Variants in CMC4 observed in about 807,000 individuals in gnomAD.
The protein encoded by CMC4 is cx9C motif-containing protein 4.
Under a neutral mutation model 5.1 loss-of-function variants are expected in CMC4, and 4 were observed. That is an observed-to-expected ratio of 0.78 (90% confidence interval 0.38 to 1.78). The LOEUF (loss-of-function observed/expected upper bound fraction) is 1.78, where lower values mean the gene tolerates loss of function less well. Ranked by LOEUF, CMC4 falls within the 40% of genes most tolerant of loss-of-function variation. The pLI is 0.04. For synonymous variants in CMC4, 23 were observed against 18.9 expected, an observed-to-expected ratio of 1.22 and a Z score of -0.57; for missense variants, 52 against 51.3, an observed-to-expected ratio of 1.01 and a Z score of -0.04.
Position 155,061,763 on chromosome X carries a change from T to C in CMC4, c.*80A>G. The C allele has an allele frequency of 9.1e-7, 1 of 1,095,010 alleles. No homozygotes were observed. The highest frequency in any genetic ancestry group is 1.2e-6 in the Non-Finnish European group (1 of 816,544). The allele number at this position is 1,095,010 out of a possible 1,213,427, so 90.2% of individuals were successfully genotyped here. A position where few individuals can be genotyped will look rare whatever the true frequency, so the allele number is the denominator to read the frequency against. On this transcript the variant is annotated 3_prime_UTR_variant, in exon 3 of 3. Coordinates refer to ENST00000369484, the MANE Select transcript of CMC4 (RefSeq NM_001018024.3). Reference sequence around the variant, plus strand: ...GTAGCTGACTTTTTCATTTGCTATTTGCTGCTACCTGGCCTGAAGAGTCAG... The same window carrying C: ...GTAGCTGACTTTTTCATTTGCTATTCGCTGCTACCTGGCCTGAAGAGTCAG...
chrX:155,063,885 A>T, intron 2 of CMC4, 81 bp downstream of exon 2: 1 of 731,080 alleles, frequency 1.4e-6, no homozygotes. Flanking sequence ...AAAAAGAGTT[A>T]ATACAGATAA....
intron 1 of CMC4, chrX:155,064,598 A>T (rs1557291882): frequency 8.9e-6 from 1 of 112,230 alleles, no homozygotes; most frequent in Admixed American, 9.4e-5. Context: ...AATTCTTTAC[A>T]AGTAGTAAAT....
Position 155,067,332 on chromosome X carries a change from G to A in CMC4, c.-10-3299C>T, listed in dbSNP as rs181260616. The stretch of plus-strand genomic sequence containing the variant: ...AACCAAATCCTGATTTCTCTCAATG[G>A]CAACACCACCATTCCTGATCCTGCA... On this transcript the variant is annotated intron_variant, in intron 1 of 2. Coordinates refer to ENST00000369484, the MANE Select transcript of CMC4 (RefSeq NM_001018024.3). Among the ~76,000 whole-genome samples, 27 of 111,658 alleles carry A rather than the reference G, an allele frequency of 2.4e-4. No individual in the cohort carries two copies. The Admixed American group carries it at 2.5e-3, about 10-fold the overall frequency.
chrX:155,067,225 ACT>A (rs1953344406), intron 1 of CMC4, among the ~76,000 whole-genome samples: 1 of 111,452 alleles, frequency 9.0e-6, no homozygotes, highest in African/African-American at 3.3e-5. Flanking sequence ...AGTGCATCTG[ACT>A]CTGAGCCTGG....
intron 1 of CMC4, chrX:155,065,415 A>T: frequency 9.8e-7 from 1 of 1,016,204 alleles, no homozygotes; most frequent in Non-Finnish European, 1.4e-6. Flanking sequence ...AAAAAAAATC[A>T]TTAAAATCAC....
At chrX:155,065,499 A>C in intron 1 of CMC4, 1 of 1,210,846 alleles carries the variant, frequency 8.3e-7, no homozygotes, top group Non-Finnish European at 1.1e-6. Context: ...GTTAGTCATC[A>C]GGCAAAAGCT....
chrX:155,062,128 G>A, intron 2 of CMC4, 137 bp from the exon 3 acceptor site: 1 of 581,356 alleles, frequency 1.7e-6, no homozygotes, highest in East Asian at 3.9e-5. Context: ...AAAGTCCACT[G>A]AATTCTTTCT....
At chrX:155,062,421 C>A (rs1337480912) in intron 2 of CMC4, among the ~76,000 whole-genome samples, 1 of 112,106 alleles carries the variant, frequency 8.9e-6, no homozygotes, top group Non-Finnish European at 1.9e-5. Flanking sequence ...GGGTCAAATT[C>A]AGCCGGTTTT....
chrX:155,062,452 G>C (rs1404796792), intron 2 of CMC4, among the ~76,000 whole-genome samples: 26 of 111,988 alleles, frequency 2.3e-4, no homozygotes, highest in Admixed American at 1.6e-3. Context: ...AGCTAAAAAT[G>C]GATTTTAATT....
Position 155,062,056 on chromosome X carries a change from TC to T in CMC4, c.59-66del. On this transcript the variant is annotated intron_variant, in intron 2 of 2. Transcript: ENST00000369484. ...GGACTAAGGTACAGGGAGGTTTAGA[TC>T]AGTGCTTCCCACCCCTTTTCACTTT... 8 of 1,059,141 alleles carry T rather than the reference TC, an allele frequency of 7.6e-6. No homozygotes were observed. In the Admixed American group the frequency reaches 1.6e-4, roughly 22 times the overall value. The allele number at this position is 1,059,141 out of a possible 1,213,427, so 87.3% of individuals were successfully genotyped here. A position where few individuals can be genotyped will look rare whatever the true frequency, so the allele number is the denominator to read the frequency against.
intron 2 of CMC4, 68 bp downstream of exon 2, chrX:155,063,898 G>T (rs2073937955): frequency 1.6e-5 from 13 of 837,554 alleles, no homozygotes; most frequent in East Asian, 3.3e-5. Context: ...ACAGATAAAA[G>T]AATAATTGGT....
At chrX:155,064,689 G>C (rs1191565247) in intron 1 of CMC4, 1 of 111,996 alleles carries the variant, frequency 8.9e-6, no homozygotes, top group Non-Finnish European at 1.9e-5. Context: ...GGTTTTTCTT[G>C]AAGTTCTTAT....
intron 1 of CMC4, chrX:155,065,451 G>A (rs1557291934): frequency 8.6e-7 from 1 of 1,168,047 alleles, no homozygotes; most frequent in South Asian, 1.8e-5. Flanking sequence ...CCAAAACAAA[G>A]AGGGGGAGGA....
Sources: gnomAD v4.1 joint callset for allele counts (sites outside exome capture counted in the v4.1 genomes callset) on GRCh38, gnomAD v4.1.1 for gene constraint, MANE v1.5 for transcripts, NCBI Gene and HGNC (gene_info 2026-07-23, HGNC 2026-07-21) for gene names.